MYH10: variants seen among roughly 807,000 people sequenced by gnomAD.
MYH10 encodes the protein myosin heavy chain 10, also known as myosin-10.
In MYH10, 55 loss-of-function variants were observed where a neutral mutation model predicts 257.8. The observed-to-expected ratio is 0.21, with a 90% CI of 0.17 to 0.27. MYH10 has a LOEUF of 0.27. Among genes scored for constraint, MYH10 ranks in the 10% least tolerant of loss-of-function variants. The pLI is 1.00. For missense variants in MYH10, 1,631 were observed against 2,500.6 expected, an observed-to-expected ratio of 0.65 and a Z score of 7.42; for synonymous variants, 854 against 921.7, an observed-to-expected ratio of 0.93 and a Z score of 1.33.
intron 7 of MYH10, among the ~76,000 whole-genome samples, chr17:8,555,096 CTG>C (rs1245622432): frequency 6.6e-6 from 1 of 151,640 alleles, no homozygotes; most frequent in Non-Finnish European, 1.5e-5. Context: ...GAGTGAGACT[CTG>C]TCTCAAAAAA....
intron 7 of MYH10, chr17:8,560,717 T>C: frequency 4.6e-6 from 3 of 645,478 alleles, no homozygotes; most frequent in Non-Finnish European, 8.5e-6. Context: ...CCAGGAGAAA[T>C]TTGATGATGA....
intron 1 of MYH10, among the ~76,000 whole-genome samples, chr17:8,626,555 A>G (rs1001366060): frequency 6.7e-6 from 1 of 148,780 alleles, no homozygotes; most frequent in Non-Finnish European, 1.5e-5. Context: ...CAACAGAATG[A>G]GACTCTGTCT....
intron 36 of MYH10, among the ~76,000 whole-genome samples, chr17:8,486,577 A>AGGC (rs755661379): frequency 3.6e-5 from 5 of 137,702 alleles, no homozygotes; most frequent in Admixed American, 1.4e-4. Flanking sequence ...AAAAAAAAAA[A>AGGC]AAATGGAAAC....
chr17:8,503,231 C>T (rs947909299), intron 28 of MYH10, among the ~76,000 whole-genome samples: 15 of 152,038 alleles, frequency 9.9e-5, no homozygotes, highest in African/African-American at 2.4e-4. Flanking sequence ...TGCAGTGAGC[C>T]GAGATCGCAC....
chr17:8,508,517 G>A lies in MYH10; in HGVS notation c.3214+37C>T, dbSNP rs200252904. ...TACAGTAAAAGCTAAACACTCACAT[G>A]TCCTAGTCCCTGATTTCTCTAGCCC... is the stretch of plus-strand genomic sequence containing the variant. On this transcript the variant is annotated intron_variant, in intron 26 of 42. Coordinates refer to ENST00000360416, the MANE Select transcript of MYH10 (RefSeq NM_001256012.3). 202 of 1,613,130 alleles carry A rather than the reference G, an allele frequency of 1.3e-4. 1 individual carries two copies. In the African/African-American group the frequency reaches 2.3e-3, roughly 18 times the overall value.
chr17:8,549,831 T>C (rs1387142971), intron 9 of MYH10, among the ~76,000 whole-genome samples: 1 of 150,918 alleles, frequency 6.6e-6, no homozygotes, highest in Admixed American at 6.6e-5. Context: ...GCCCAGTGCC[T>C]GCGATTGAAA....
At chr17:8,544,512 A>T (rs2082385398) in intron 13 of MYH10, among the ~76,000 whole-genome samples, 2 of 152,336 alleles carry the variant, frequency 1.3e-5, no homozygotes, top group African/African-American at 4.8e-5. Context: ...TTTACAAATC[A>T]AAACACCTTA....
chr17:8,547,677 A>G (rs922083009), intron 11 of MYH10, among the ~76,000 whole-genome samples: 1 of 150,264 alleles, frequency 6.7e-6, no homozygotes, highest in African/African-American at 2.5e-5. Context: ...CAATATAGAG[A>G]TTCCTCACTT....
chr17:8,542,355 T>C (rs2082312445), intron 13 of MYH10, 75 bp from the exon 14 acceptor site: 2 of 1,377,040 alleles, frequency 1.5e-6, no homozygotes, highest in South Asian at 1.4e-5. Flanking sequence ...TATGTAGTTA[T>C]AAAAAAATTT....
chr17:8,517,497 C>T (rs897267343), intron 21 of MYH10, among the ~76,000 whole-genome samples: 2 of 152,202 alleles, frequency 1.3e-5, no homozygotes, highest in African/African-American at 2.4e-5. Context: ...CTCCCAAACC[C>T]GAAGTGTTCA....
chr17:8,582,662 T>A (rs1359222060), intron 4 of MYH10, among the ~76,000 whole-genome samples: 1 of 152,174 alleles, frequency 6.6e-6, no homozygotes, highest in African/African-American at 2.4e-5. Context: ...CCTCAATAGG[T>A]CTACAGCTTT....
Position 8,480,502 on chromosome 17 carries a change from C to T in MYH10, c.5288G>A (p.Arg1763Gln), listed in dbSNP as rs375069093. 1.4e-5 allele frequency: 23 copies of T among 1,610,116 alleles called. No individual in the cohort carries two copies. Among genetic ancestry groups the T allele is most frequent in the Admixed American group, 3.3e-5 (2 of 59,954 alleles). The change falls in exon 39 of 43, where the codon CGG (arginine) becomes CAG (glutamine). Residue 1763 changes from arginine (R) to glutamine (Q), a missense_variant. Physicochemically the swap from Arg to Gln is conservative, Grantham distance 43 (BLOSUM62 1). Coordinates refer to ENST00000360416, the MANE Select transcript of MYH10 (RefSeq NM_001256012.3). Reference protein sequence around the residue: ...SGKSALLDEKRRLEARIAQLE... With the variant: ...SGKSALLDEKQRLEARIAQLE... ...CTGTGCGATCCGAGCTTCCAGACGC[C>T]GCTTCTCATCCAGCAGCGCGGACCT... is the stretch of plus-strand genomic sequence containing the variant.
At chr17:8,486,988 AG>A (rs1361098218) in intron 36 of MYH10, among the ~76,000 whole-genome samples, 2 of 152,184 alleles carry the variant, frequency 1.3e-5, no homozygotes, top group Non-Finnish European at 2.9e-5. Context: ...CCTATAGGTG[AG>A]GGCCCCCTGC....
At chr17:8,510,650 CACAG>C (rs1169081291) in intron 24 of MYH10, among the ~76,000 whole-genome samples, 6 of 152,266 alleles carry the variant, frequency 3.9e-5, no homozygotes, top group South Asian at 2.1e-4. Context: ...ATAATAGCAA[CACAG>C]ACAAACATGA....
At chr17:8,587,126 T>C (rs1175567005) in intron 4 of MYH10, among the ~76,000 whole-genome samples, 1 of 152,064 alleles carries the variant, frequency 6.6e-6, no homozygotes, top group African/African-American at 2.4e-5. Flanking sequence ...AGACACCAAG[T>C]GGAGAAGAAA....
intron 35 of MYH10, among the ~76,000 whole-genome samples, chr17:8,488,963 A>G (rs967194887): frequency 6.6e-6 from 1 of 152,198 alleles, no homozygotes; most frequent in Non-Finnish European, 1.5e-5. Flanking sequence ...CTCCTCTTGA[A>G]TGTGGGCCAG....
intron 2 of MYH10, among the ~76,000 whole-genome samples, chr17:8,611,844 A>G (rs1304458022): frequency 6.6e-6 from 1 of 152,196 alleles, no homozygotes; most frequent in Admixed American, 6.5e-5. Context: ...CAGTATCTGA[A>G]GAGATAATGG....
chr17:8,485,177 C>CA (rs1254879051), intron 36 of MYH10, among the ~76,000 whole-genome samples: 1 of 151,994 alleles, frequency 6.6e-6, no homozygotes, highest in Non-Finnish European at 1.5e-5. Flanking sequence ...GATCAACATA[C>CA]AAACATCAAT....
Position 8,475,667 on chromosome 17 carries a change from A to AT in MYH10, c.*136dup. On this transcript the variant is annotated 3_prime_UTR_variant, in exon 43 of 43. Transcript: ENST00000360416. ...AAGTCTGAAGCAGGATACAGTATGC[A>AT]TAGGCTGGAGAGCCTTAAGACACAG... The AT allele has an allele frequency of 1.0e-6, 1 of 1,003,952 alleles. No homozygotes were observed. Among genetic ancestry groups the AT allele is most frequent in the Non-Finnish European group, 1.5e-6 (1 of 674,184 alleles). 62.2% of individuals were successfully genotyped at this position (1,003,952 alleles called of 1,614,324 possible).
Sources: gnomAD v4.1 joint callset for allele counts (sites outside exome capture counted in the v4.1 genomes callset) on GRCh38, gnomAD v4.1.1 for gene constraint, MANE v1.5 for transcripts, NCBI Gene and HGNC (gene_info 2026-07-23, HGNC 2026-07-21) for gene names.